The following LCLAT1 variants were observed in gnomAD, a reference collection of about 807,000 sequenced individuals.
LCLAT1 encodes the protein 1-AGP acyltransferase 8.
Under a neutral mutation model 30.7 loss-of-function variants are expected in LCLAT1, and 11 were observed. The observed-to-expected ratio is 0.36, with a 90% CI of 0.23 to 0.59. The LOEUF is 0.59. Among genes scored for constraint, LCLAT1 ranks in the 20% least tolerant of loss-of-function variants. LCLAT1 has a pLI of 0.77. For missense variants in LCLAT1, 402 were observed against 458.6 expected, an observed-to-expected ratio of 0.88 and a Z score of 1.13; for synonymous variants, 155 against 151.3, an observed-to-expected ratio of 1.02 and a Z score of -0.18.
rs116408491 is a variant in LCLAT1, at chr2:30,608,805, C to T, written c.629-31312C>T. On this transcript the variant is annotated intron_variant, in intron 5 of 5. Coordinates refer to ENST00000379509, the MANE Select transcript of LCLAT1 (RefSeq NM_001002257.3). ...AGACACATCTCTCAGAACATATCCC[C>T]GTCAAGTGACACATAGTTGTATGTC... 9.6e-3 allele frequency among the ~76,000 whole-genome samples: 1,461 copies of T among 152,214 alleles called. 24 individuals are homozygous for T. Among genetic ancestry groups the T allele is most frequent in the African/African-American group, 0.033 (1,361 of 41,548 alleles).
intron 3 of LCLAT1, among the ~76,000 whole-genome samples, chr2:30,534,468 C>T (rs2123757): frequency 0.13 from 19,184 of 152,028 alleles, 1,352 homozygotes; most frequent in South Asian, 0.23. Context: ...TTAGTAGAGA[C>T]GGGGTTTCAC....
chr2:30,457,356 T>A (rs1225567195), intron 1 of LCLAT1, among the ~76,000 whole-genome samples: 20 of 152,214 alleles, frequency 1.3e-4, no homozygotes. Context: ...AACAAAAGGA[T>A]TACTGAATAG....
At chr2:30,588,420 A>G (rs2148474965) in intron 5 of LCLAT1, among the ~76,000 whole-genome samples, 1 of 152,308 alleles carries the variant, frequency 6.6e-6, no homozygotes, top group East Asian at 1.9e-4. Context: ...TCACTGCCAT[A>G]TCATTCATGC....
At chr2:30,511,593 G>A (rs1051391644) in intron 1 of LCLAT1, among the ~76,000 whole-genome samples, 3 of 152,192 alleles carry the variant, frequency 2.0e-5, no homozygotes, top group African/African-American at 7.2e-5. Flanking sequence ...ACTGGCATAG[G>A]ACCAAAGATC....
chr2:30,604,131 A>G (rs1667316505), intron 5 of LCLAT1, among the ~76,000 whole-genome samples: 1 of 152,202 alleles, frequency 6.6e-6, no homozygotes, highest in Non-Finnish European at 1.5e-5. Context: ...GGGCACAACT[A>G]ACTCTGGCCA....
rs1389268466 is a variant in LCLAT1, at chr2:30,533,201, A to G, written c.251A>G (p.Asn84Ser). 1.2e-6 allele frequency: 2 copies of G among 1,614,034 alleles called. No individual in the cohort carries two copies. The highest frequency in any genetic ancestry group is 1.7e-6 in the Non-Finnish European group (2 of 1,179,872). ...VPGERSVIIMNHRTRMDWMFL... is the reference protein window; with the variant it reads ...VPGERSVIIMSHRTRMDWMFL... ...GGAGAAAGAAGTGTCATTATCATGA[A>G]CCATCGGACAAGAATGGACTGGATG... The change falls in exon 3 of 6, where the codon AAC becomes AGC. Residue 84 changes from asparagine to serine, a missense_variant. Coordinates refer to ENST00000379509, the MANE Select transcript of LCLAT1 (RefSeq NM_001002257.3).
intron 5 of LCLAT1, among the ~76,000 whole-genome samples, chr2:30,624,661 A>G (rs895030053): frequency 3.9e-5 from 6 of 152,212 alleles, no homozygotes; most frequent in Admixed American, 1.3e-4. Context: ...TGGCAACACA[A>G]TAATAGTGGG....
At position 30,512,482 on chromosome 2, in the gene LCLAT1, G is replaced by C. The variant is rs142840752; in HGVS notation, c.-4-13105G>C. Among the ~76,000 whole-genome samples, 65 of 152,172 alleles carry C rather than the reference G, an allele frequency of 4.3e-4. No homozygotes were observed. In the East Asian group the frequency reaches 0.012, roughly 28 times the overall value. ...TGAGGTCAAGGGGAAGGAAGCCCTC[G>C]AAGGAGATAAAAGGGTGGATGGAGA... On this transcript the variant is annotated intron_variant, in intron 1 of 5. Transcript: ENST00000379509.
chr2:30,453,628 A>G (rs1276174554), intron 1 of LCLAT1, among the ~76,000 whole-genome samples: 2 of 152,202 alleles, frequency 1.3e-5, no homozygotes, highest in East Asian at 3.9e-4. Context: ...GTTAAATAAG[A>G]TGTGGTTTCT....
At chr2:30,557,714 C>T (rs1418536731) in intron 3 of LCLAT1, among the ~76,000 whole-genome samples, 5 of 151,930 alleles carry the variant, frequency 3.3e-5, no homozygotes, top group African/African-American at 9.6e-5. Flanking sequence ...TGTGCCCTGC[C>T]CACATCAAAT....
intron 1 of LCLAT1, among the ~76,000 whole-genome samples, chr2:30,509,619 C>T (rs1449803795): frequency 6.6e-6 from 1 of 151,926 alleles, no homozygotes; most frequent in East Asian, 1.9e-4. Flanking sequence ...CTCCCCCAGG[C>T]TGGAGTGCAG....
chr2:30,517,942 C>A (rs995776427), intron 1 of LCLAT1, among the ~76,000 whole-genome samples: 5 of 152,186 alleles, frequency 3.3e-5, no homozygotes, highest in African/African-American at 1.2e-4. Flanking sequence ...AGCGCTGAGG[C>A]CACTGACAAC....
At chr2:30,553,780 AGT>A (rs1664789629) in intron 3 of LCLAT1, among the ~76,000 whole-genome samples, 3 of 152,106 alleles carry the variant, frequency 2.0e-5, no homozygotes, top group Admixed American at 6.5e-5. Context: ...GCGCCACTGC[AGT>A]CCGCAGTCCG....
intron 5 of LCLAT1, among the ~76,000 whole-genome samples, chr2:30,615,081 G>A (rs1025146418): frequency 2.0e-5 from 3 of 152,286 alleles, no homozygotes; most frequent in East Asian, 1.9e-4. Flanking sequence ...AAGTTTAGCT[G>A]TGTAAGTGAA....
intron 1 of LCLAT1, among the ~76,000 whole-genome samples, chr2:30,494,595 C>T (rs1558474921): frequency 6.6e-6 from 1 of 151,738 alleles, no homozygotes; most frequent in Non-Finnish European, 1.5e-5. Flanking sequence ...TACATGTATG[C>T]ATGCACGTAT....
At chr2:30,581,535 A>G (rs1284354540) in intron 5 of LCLAT1, among the ~76,000 whole-genome samples, 5 of 152,222 alleles carry the variant, frequency 3.3e-5, no homozygotes, top group Non-Finnish European at 7.3e-5. Flanking sequence ...ATGGATAAAG[A>G]AAATTTGGTG....
At chr2:30,595,924 G>A (rs1356095886) in intron 5 of LCLAT1, among the ~76,000 whole-genome samples, 1 of 152,168 alleles carries the variant, frequency 6.6e-6, no homozygotes, top group South Asian at 2.1e-4. Flanking sequence ...AGTTTGTTGA[G>A]GATAATGGCT....
intron 1 of LCLAT1, among the ~76,000 whole-genome samples, chr2:30,461,770 C>CTTTTT (rs1553354407): frequency 7.6e-6 from 1 of 131,800 alleles, no homozygotes; most frequent in Non-Finnish European, 1.6e-5. Context: ...CTAAATTAAA[C>CTTTTT]TTTTTTTTTT....
At chr2:30,621,414 G>A (rs1668243081) in intron 5 of LCLAT1, among the ~76,000 whole-genome samples, 1 of 152,072 alleles carries the variant, frequency 6.6e-6, no homozygotes, top group Admixed American at 6.6e-5. Flanking sequence ...CTTACAAGAA[G>A]GGATGGGGAA....
Sources: allele counts gnomAD v4.1 joint callset (sites outside exome capture counted in the v4.1 genomes callset), GRCh38; gene constraint gnomAD v4.1.1; transcripts MANE v1.5; gene names NCBI Gene and HGNC (gene_info 2026-07-23, HGNC 2026-07-21).